The following UBE3D variants were observed in gnomAD, a reference collection of about 807,000 sequenced individuals.
The protein encoded by UBE3D is E3 ubiquitin-protein ligase E3D.
In UBE3D, 48 loss-of-function variants were observed where a neutral mutation model predicts 49.6. The ratio of observed to expected loss-of-function variants is 0.97; its 90% CI spans 0.77 to 1.23. UBE3D has a LOEUF of 1.23. UBE3D is among the 50% of genes most tolerant of loss of function. The probability of loss-of-function intolerance (pLI) is 0.00; values close to 1 mark genes in which losing one functional copy is unlikely to be tolerated. For missense variants in UBE3D, 452 were observed against 468.4 expected, an observed-to-expected ratio of 0.96 and a Z score of 0.32; for synonymous variants, 189 against 174.2, an observed-to-expected ratio of 1.08 and a Z score of -0.67.
chr6:82,943,287 CCT>C (rs371225839), intron 9 of UBE3D, among the ~76,000 whole-genome samples: 82 of 152,196 alleles, frequency 5.4e-4, no homozygotes, highest in Non-Finnish European at 9.0e-4. Context: ...CCACTGTCCC[CCT>C]GACAGGGAAA....
chr6:83,040,309 G>C (rs1286842871), intron 4 of UBE3D, among the ~76,000 whole-genome samples: 1 of 151,966 alleles, frequency 6.6e-6, no homozygotes, highest in South Asian at 2.1e-4. Flanking sequence ...ACAGGAACCC[G>C]GGAGGGGAAG....
At chr6:82,952,727 T>G (rs1775892115) in intron 9 of UBE3D, among the ~76,000 whole-genome samples, 1 of 152,116 alleles carries the variant, frequency 6.6e-6, no homozygotes, top group Admixed American at 6.6e-5. Context: ...AGCAGAGAAA[T>G]GCTAAGTATA....
At chr6:82,994,844 G>A (rs772449552) in intron 8 of UBE3D, among the ~76,000 whole-genome samples, 2 of 152,148 alleles carry the variant, frequency 1.3e-5, no homozygotes, top group Admixed American at 1.3e-4. Flanking sequence ...TGCCAGGAAT[G>A]GTAATGAGTT....
At chr6:83,046,674 G>GGGGGT (rs1783068617) in intron 3 of UBE3D, among the ~76,000 whole-genome samples, 1 of 129,656 alleles carries the variant, frequency 7.7e-6, no homozygotes, top group Non-Finnish European at 1.6e-5. Flanking sequence ...GCAGTTGGCG[G>GGGGGT]GGGGGGTGGG....
intron 8 of UBE3D, among the ~76,000 whole-genome samples, chr6:82,958,163 G>A (rs1324274926): frequency 6.6e-5 from 10 of 152,100 alleles, no homozygotes; most frequent in Admixed American, 6.5e-4. Context: ...TCTGAGATGA[G>A]GCAATGTGTA....
At position 82,991,001 on chromosome 6, in the gene UBE3D, C is replaced by T. The variant is rs190861100; in HGVS notation, c.1010+27972G>A. Among the ~76,000 whole-genome samples, 7 of 152,204 alleles carry T rather than the reference C, an allele frequency of 4.6e-5. No individual in the cohort carries two copies. In the East Asian group the frequency reaches 7.8e-4, roughly 17 times the overall value. ...ACAGGGACTATAGTTGTCCACAGGC[C>T]GGATGGGGGATAGGGTTACTGCTTC... On this transcript the variant is annotated intron_variant, in intron 8 of 9. Transcript: ENST00000369747.
intron 8 of UBE3D, among the ~76,000 whole-genome samples, chr6:82,958,810 A>T (rs906580923): frequency 2.0e-5 from 3 of 152,226 alleles, no homozygotes; most frequent in African/African-American, 4.8e-5. Flanking sequence ...TTTTACATGT[A>T]CATGGGGATC....
intron 3 of UBE3D, among the ~76,000 whole-genome samples, chr6:83,048,079 CAAAAAAAAAAAAA>C (rs35344320): frequency 2.1e-5 from 1 of 48,062 alleles, no homozygotes; most frequent in African/African-American, 8.7e-5. Context: ...GACTCCAGCT[CAAAAAAAAAAAAA>C]AAAAAAAAAA....
At chr6:82,881,159 G>A in the UBE3D span, among the ~76,000 whole-genome samples, 2 of 152,172 alleles carry the variant, frequency 1.3e-5, no homozygotes, top group African/African-American at 4.8e-5. Flanking sequence ...AGGCTGAGAG[G>A]TCTGGAGAGA....
At chr6:83,023,561 G>C (rs1781248113) in intron 6 of UBE3D, among the ~76,000 whole-genome samples, 1 of 152,140 alleles carries the variant, frequency 6.6e-6, no homozygotes, top group Non-Finnish European at 1.5e-5. Context: ...CCACAAAAAG[G>C]AACGAAATAA....
At chr6:83,030,768 GA>G (rs1781807934) in intron 5 of UBE3D, among the ~76,000 whole-genome samples, 1 of 152,136 alleles carries the variant, frequency 6.6e-6, no homozygotes, top group African/African-American at 2.4e-5. Flanking sequence ...GGAAATGGGG[GA>G]AAGTTTGAAC....
chr6:83,054,405 T>C (rs977448451), intron 2 of UBE3D, among the ~76,000 whole-genome samples, 167 bp from the exon 3 acceptor site: 1 of 151,970 alleles, frequency 6.6e-6, no homozygotes, highest in Non-Finnish European at 1.5e-5. Flanking sequence ...GAAGCAAATA[T>C]TGTGAAGTGT....
chr6:83,062,909 T>C (rs576804108), intron 1 of UBE3D, among the ~76,000 whole-genome samples: 2 of 152,262 alleles, frequency 1.3e-5, no homozygotes, highest in East Asian at 3.9e-4. Context: ...CCTACTTCAC[T>C]GCAAACACAA....
intron 3 of UBE3D, 90 bp from the exon 4 acceptor site, chr6:83,044,749 A>C: frequency 5.8e-5 from 64 of 1,097,504 alleles, no homozygotes; most frequent in Non-Finnish European, 7.6e-5. Context: ...AAAGAAACTC[A>C]TTAACCACAA....
chr6:83,036,617 A>G (rs1782275737), intron 5 of UBE3D: 2 of 152,050 alleles, frequency 1.3e-5, no homozygotes, highest in South Asian at 4.1e-4. Flanking sequence ...GGTGATTCTC[A>G]ACAATTCATT....
chr6:82,918,286 AC>A (rs1241768401), intron 9 of UBE3D, among the ~76,000 whole-genome samples: 31 of 138,674 alleles, frequency 2.2e-4, no homozygotes, highest in Non-Finnish European at 4.3e-4. Context: ...AACAACAACA[AC>A]AACAAAAAAA....
At chr6:83,017,832 C>G (rs1468561426) in intron 8 of UBE3D, 2 of 151,828 alleles carry the variant, frequency 1.3e-5, no homozygotes, top group African/African-American at 4.8e-5. Flanking sequence ...ATTATAACAG[C>G]AAAAAAGTAA....
At chr6:82,909,066 T>C (rs1772312044) in intron 9 of UBE3D, among the ~76,000 whole-genome samples, 1 of 152,150 alleles carries the variant, frequency 6.6e-6, no homozygotes, top group Non-Finnish European at 1.5e-5. Flanking sequence ...AGTGTGCAGG[T>C]GGGTGAGGAC....
chr6:82,972,689 C>G (rs1447643232), intron 8 of UBE3D, among the ~76,000 whole-genome samples: 2 of 152,128 alleles, frequency 1.3e-5, no homozygotes, highest in Non-Finnish European at 2.9e-5. Context: ...AAAAATATAG[C>G]TTGGTGTTCT....
Sources: allele counts gnomAD v4.1 joint callset (sites outside exome capture counted in the v4.1 genomes callset), GRCh38; gene constraint gnomAD v4.1.1; transcripts MANE v1.5; gene names NCBI Gene and HGNC (gene_info 2026-07-23, HGNC 2026-07-21).